NTRK2: variants seen among roughly 807,000 people sequenced by gnomAD.
NTRK2 encodes the protein neurotrophic receptor tyrosine kinase 2.
Under a neutral mutation model 94.5 loss-of-function variants are expected in NTRK2, and 13 were observed. The observed-to-expected ratio is 0.14, with a 90% CI of 0.09 to 0.22. NTRK2 has a LOEUF of 0.22. Ranked by LOEUF, NTRK2 falls within the 10% of genes least tolerant of loss-of-function variation. The pLI is 1.00. For missense variants in NTRK2, 639 were observed against 1,071.2 expected (o/e 0.60, Z 5.63); for synonymous variants, 372 against 407.4 (o/e 0.91, Z 1.05).
At chr9:84,919,813 C>G (rs1192361553) in intron 14 of NTRK2, among the ~76,000 whole-genome samples, 4 of 152,222 alleles carry the variant, frequency 2.6e-5, no homozygotes, top group Middle Eastern at 3.4e-3. Flanking sequence ...GTTCAGAGTG[C>G]TTTTTATTAG....
intron 8 of NTRK2, 67 bp from the exon 9 acceptor site, chr9:84,727,587 C>T: frequency 6.8e-7 from 1 of 1,478,428 alleles, no homozygotes; most frequent in Non-Finnish European, 9.4e-7. Context: ...ATCAATGACA[C>T]AGACATCTCG....
intron 14 of NTRK2, among the ~76,000 whole-genome samples, chr9:84,882,659 T>C (rs2076287681): frequency 6.6e-6 from 1 of 152,160 alleles, no homozygotes; most frequent in Non-Finnish European, 1.5e-5. Context: ...CAAAAGCTCT[T>C]GGACCTGTGT....
chr9:84,995,785 A>T (rs1417422954), intron 17 of NTRK2, among the ~76,000 whole-genome samples: 1 of 152,244 alleles, frequency 6.6e-6, no homozygotes, highest in Non-Finnish European at 1.5e-5. Context: ...ACTAAACAGA[A>T]ACTCGAGGTC....
chr9:84,848,106 A>AGC (rs2074562467), intron 12 of NTRK2, among the ~76,000 whole-genome samples: 2 of 150,438 alleles, frequency 1.3e-5, no homozygotes, highest in African/African-American at 4.9e-5. Flanking sequence ...AGAGAGAGAG[A>AGC]GAGAGCTCAA....
chr9:84,928,357 T>A (rs928142012), intron 14 of NTRK2, among the ~76,000 whole-genome samples: 6 of 152,236 alleles, frequency 3.9e-5, no homozygotes, highest in African/African-American at 1.4e-4. Context: ...ACATTTACAT[T>A]CTGCTTTTAA....
intron 12 of NTRK2, chr9:84,811,955 G>A (rs2071851702): frequency 1.0e-6 from 1 of 975,286 alleles, no homozygotes. Context: ...GAGGACTTCA[G>A]AGCCAGGCCT....
chr9:84,798,740 C>T (rs964395035), intron 12 of NTRK2, among the ~76,000 whole-genome samples: 5 of 151,960 alleles, frequency 3.3e-5, no homozygotes, highest in Admixed American at 6.6e-5. Flanking sequence ...CCGTTTGGTG[C>T]GTATGTTGAC....
At chr9:84,706,002 C>T (rs959374258) in intron 4 of NTRK2, among the ~76,000 whole-genome samples, 13 of 151,958 alleles carry the variant, frequency 8.6e-5, no homozygotes, top group African/African-American at 3.1e-4. Flanking sequence ...GTTGGCCAGG[C>T]TGGTCTCAAA....
chr9:84,968,377 G>A (rs1825805201), intron 17 of NTRK2, among the ~76,000 whole-genome samples: 1 of 152,174 alleles, frequency 6.6e-6, no homozygotes, highest in Non-Finnish European at 1.5e-5. Context: ...CTAGGACAGT[G>A]GCCCACTGTG....
intron 12 of NTRK2, among the ~76,000 whole-genome samples, chr9:84,773,421 A>G (rs1021755194): frequency 2.0e-5 from 3 of 152,196 alleles, no homozygotes; most frequent in Non-Finnish European, 2.9e-5. Context: ...GGGTGAGGGG[A>G]GTCCTTCTTT....
intron 11 of NTRK2, among the ~76,000 whole-genome samples, chr9:84,747,124 A>G (rs2889962): frequency 0.085 from 12,942 of 152,088 alleles, 990 homozygotes; most frequent in African/African-American, 0.2. Context: ...CCAAGGCCAC[A>G]AGAGTGGAAA....
At chr9:84,899,002 A>G (rs2076846032) in intron 14 of NTRK2, among the ~76,000 whole-genome samples, 1 of 152,198 alleles carries the variant, frequency 6.6e-6, no homozygotes, top group South Asian at 2.1e-4. Flanking sequence ...ATTTCTGAAC[A>G]AAGGCTTGCT....
intron 17 of NTRK2, among the ~76,000 whole-genome samples, chr9:84,983,556 A>G (rs182998705): frequency 6.6e-6 from 1 of 152,224 alleles, no homozygotes; most frequent in East Asian, 1.9e-4. Flanking sequence ...AGTACAAATC[A>G]TTTGAAGATC....
At chr9:84,966,061 G>A (rs979279891) in intron 17 of NTRK2, among the ~76,000 whole-genome samples, 6 of 152,208 alleles carry the variant, frequency 3.9e-5, no homozygotes, top group Non-Finnish European at 8.8e-5. Flanking sequence ...ACTTAGCACA[G>A]TCATGTTGCC....
intron 14 of NTRK2, among the ~76,000 whole-genome samples, chr9:84,908,088 AAAACAAAC>A (rs574834682): frequency 6.6e-6 from 1 of 152,230 alleles, no homozygotes; most frequent in Non-Finnish European, 1.5e-5. Flanking sequence ...CTACCAAAAC[AAAACAAAC>A]AAACAAACAA....
intron 12 of NTRK2, among the ~76,000 whole-genome samples, chr9:84,852,731 A>G (rs777270674): frequency 7.9e-5 from 12 of 152,226 alleles, no homozygotes; most frequent in African/African-American, 1.9e-4. Context: ...AATAGTCCAC[A>G]TGTACAAAAC....
chr9:85,017,832 G>A lies in NTRK2; in HGVS notation c.2173-2374G>A, dbSNP rs117111814. The stretch of plus-strand genomic sequence containing the variant: ...CCACTGGGGTTCTATTTTATCTAAC[G>A]AGAAAGAACAGCAACACCAAAATGC... On this transcript the variant is annotated intron_variant, in intron 17 of 18. Coordinates refer to ENST00000277120, the MANE Select transcript of NTRK2 (RefSeq NM_006180.6). Among the ~76,000 whole-genome samples, 328 of 152,256 alleles carry A rather than the reference G, an allele frequency of 2.2e-3. 1 individual carries two copies. Among genetic ancestry groups the A allele is most frequent in the Middle Eastern group, 3.4e-3 (1 of 294 alleles).
chr9:84,904,477 A>G (rs1214850716), intron 14 of NTRK2, among the ~76,000 whole-genome samples: 1 of 152,178 alleles, frequency 6.6e-6, no homozygotes, highest in East Asian at 1.9e-4. Context: ...ATCTTCTTAT[A>G]ACAACTGTGT....
intron 14 of NTRK2, among the ~76,000 whole-genome samples, chr9:84,886,664 G>A (rs949185414): frequency 3.3e-5 from 5 of 152,200 alleles, no homozygotes; most frequent in Admixed American, 6.5e-5. Context: ...TATATTGCAT[G>A]AGAAGATTCT....
Sources: gnomAD v4.1 joint callset for allele counts (sites outside exome capture counted in the v4.1 genomes callset) on GRCh38, gnomAD v4.1.1 for gene constraint, MANE v1.5 for transcripts, NCBI Gene and HGNC (gene_info 2026-07-23, HGNC 2026-07-21) for gene names.